DDAH1: variants seen among roughly 807,000 people sequenced by gnomAD.
The protein encoded by DDAH1 is dimethylarginine dimethylaminohydrolase 1.
In DDAH1, 19 loss-of-function variants were observed where a neutral mutation model predicts 28.8. The observed-to-expected ratio is 0.66, with a 90% CI of 0.46 to 0.97. DDAH1 has a LOEUF of 0.97. DDAH1 is among the 50% of genes least tolerant of loss of function. DDAH1 has a pLI of 0.00. For missense variants in DDAH1, 326 were observed against 375.9 expected (o/e 0.87, Z 1.10); for synonymous variants, 153 against 154.4 (o/e 0.99, Z 0.07).
intron 4 of DDAH1, among the ~76,000 whole-genome samples, chr1:85,330,257 CA>C (rs1477833190): frequency 2.0e-5 from 3 of 152,186 alleles, no homozygotes; most frequent in Admixed American, 6.5e-5. Context: ...GGTATCACCT[CA>C]AAGAGCTCAG....
In DDAH1 at chr1:85,324,814, T is replaced by C. The variant is rs1647270788; in HGVS notation, c.667A>G (p.Ile223Val). The stretch of plus-strand genomic sequence containing the variant: ...CCTTTGTTGGGGATATTTAGATATA[T>C]ACAGTTTGCTGCTATGTCATCAGGC... ...TVPDDIAANC[I>V]YLNIPNKGHV... Residue 223 changes from isoleucine to valine, a missense_variant, in exon 5 of 6, where the codon ATA becomes GTA. By Grantham distance (29) the Ile-to-Val change is conservative. Coordinates refer to ENST00000284031, the MANE Select transcript of DDAH1 (RefSeq NM_012137.4). The C allele has an allele frequency of 6.2e-7, 1 of 1,614,030 alleles. No individual in the cohort carries two copies. Among genetic ancestry groups the C allele is most frequent in the South Asian group, 1.1e-5 (1 of 91,072 alleles).
chr1:85,456,391 G>T (rs1382317252), intron 1 of DDAH1, among the ~76,000 whole-genome samples: 1 of 152,150 alleles, frequency 6.6e-6, no homozygotes, highest in Non-Finnish European at 1.5e-5. Flanking sequence ...AATTTATGAT[G>T]GTTCAACTTT....
At chr1:85,412,386 A>C (rs903092632) in intron 1 of DDAH1, among the ~76,000 whole-genome samples, 9 of 152,150 alleles carry the variant, frequency 5.9e-5, no homozygotes, top group African/African-American at 2.2e-4. Context: ...CTAGTCCCTC[A>C]TGGCAAACCA....
At chr1:85,541,394 G>C (rs1658466750) in intron 1 of DDAH1, among the ~76,000 whole-genome samples, 2 of 152,198 alleles carry the variant, frequency 1.3e-5, no homozygotes, top group South Asian at 4.1e-4. Flanking sequence ...CTACTGCCTG[G>C]AAGAGAAGGA....
intron 3 of DDAH1, among the ~76,000 whole-genome samples, chr1:85,351,301 T>A (rs1303764085): frequency 6.6e-6 from 1 of 152,168 alleles, no homozygotes; most frequent in East Asian, 1.9e-4. Context: ...AACTTAGTTG[T>A]TCTTGTGGTA....
intron 1 of DDAH1, among the ~76,000 whole-genome samples, chr1:85,498,607 G>A (rs1043136889): frequency 3.9e-5 from 6 of 152,056 alleles, no homozygotes; most frequent in Non-Finnish European, 8.8e-5. Context: ...GCCAATAGAG[G>A]AAATAAAATG....
chr1:85,471,981 G>T (rs183447916), intron 2 of DDAH1, among the ~76,000 whole-genome samples: 6 of 152,242 alleles, frequency 3.9e-5, no homozygotes, highest in Non-Finnish European at 1.5e-5. Context: ...CTGCCCTCCT[G>T]TCCCTCAGTC....
intron 1 of DDAH1, among the ~76,000 whole-genome samples, chr1:85,508,649 C>T (rs550576120): frequency 2.0e-5 from 3 of 152,232 alleles, no homozygotes; most frequent in Non-Finnish European, 4.4e-5. Flanking sequence ...TCTTAGCAAC[C>T]GGCAGACAAC....
chr1:85,475,658 T>C (rs1434541150), intron 2 of DDAH1, among the ~76,000 whole-genome samples: 1 of 152,174 alleles, frequency 6.6e-6, no homozygotes, highest in Non-Finnish European at 1.5e-5. Flanking sequence ...CACACTTTCT[T>C]TTTCTTGCCA....
chr1:85,544,671 C>T (rs1194245895), intron 1 of DDAH1, among the ~76,000 whole-genome samples: 2 of 152,136 alleles, frequency 1.3e-5, no homozygotes, highest in Non-Finnish European at 2.9e-5. Context: ...TACCCACCCA[C>T]TCATCAGAGA....
intron 1 of DDAH1, among the ~76,000 whole-genome samples, chr1:85,361,191 A>G (rs1649778026): frequency 1.3e-5 from 2 of 152,220 alleles, no homozygotes; most frequent in African/African-American, 2.4e-5. Context: ...GTTGAAGCAG[A>G]CAAACTCAGC....
Position 85,324,795 on chromosome 1 carries a change from T to C in DDAH1, c.686A>G (p.Asn229Ser). 6.2e-7 allele frequency: 1 copy of C among 1,614,174 alleles called. No homozygotes were observed. Among genetic ancestry groups the C allele is most frequent in the East Asian group, 2.2e-5 (1 of 44,888 alleles). ...TCGGTGCAGCAAGACGTGCCCTTTG[T>C]TGGGGATATTTAGATATATACAGTT... is the stretch of plus-strand genomic sequence containing the variant. ...AANCIYLNIP[N>S]KGHVLLHRTP... Residue 229 changes from asparagine (N) to serine (S), a missense_variant, in exon 5 of 6, where the codon AAC (asparagine) becomes AGC (serine). By Grantham distance (46) the Asn-to-Ser change is conservative. Transcript: ENST00000284031.
At chr1:85,347,989 A>G (rs1648973288) in intron 4 of DDAH1, among the ~76,000 whole-genome samples, 1 of 152,208 alleles carries the variant, frequency 6.6e-6, no homozygotes, top group African/African-American at 2.4e-5. Flanking sequence ...TGCTAGAAAC[A>G]TGGCAGGTGG....
At chr1:85,367,040 T>C (rs1570440184) in intron 1 of DDAH1, among the ~76,000 whole-genome samples, 3 of 152,278 alleles carry the variant, frequency 2.0e-5, no homozygotes, top group South Asian at 4.1e-4. Flanking sequence ...GTAGATTTCA[T>C]CAACTTTGGG....
chr1:85,321,685 C>T (rs1661351555), intron 5 of DDAH1, 117 bp from the exon 6 acceptor site: 2 of 802,850 alleles, frequency 2.5e-6, no homozygotes, highest in Non-Finnish European at 4.2e-6. Flanking sequence ...TCCCAAGACA[C>T]ACAGGCAGTC....
At chr1:85,571,354 T>C (rs1314030940) in intron 1 of DDAH1, among the ~76,000 whole-genome samples, 3 of 152,204 alleles carry the variant, frequency 2.0e-5, no homozygotes, top group Non-Finnish European at 4.4e-5. Context: ...TCAAAGGGAA[T>C]GTGTATGTTA....
At chr1:85,329,723 T>C (rs1042351149) in intron 4 of DDAH1, among the ~76,000 whole-genome samples, 1 of 152,240 alleles carries the variant, frequency 6.6e-6, no homozygotes, top group African/African-American at 2.4e-5. Context: ...TTTCAATTAA[T>C]TTATCAAGAC....
upstream of DDAH1, among the ~76,000 whole-genome samples, chr1:85,468,808 G>A (rs1655513860): frequency 6.6e-6 from 1 of 152,154 alleles, no homozygotes; most frequent in African/African-American, 2.4e-5. Flanking sequence ...GTGAGCAACC[G>A]CGCCTAGCCG....
chr1:85,347,997 T>G (rs1047761664), intron 4 of DDAH1, among the ~76,000 whole-genome samples: 1 of 152,190 alleles, frequency 6.6e-6, no homozygotes, highest in Non-Finnish European at 1.5e-5. Context: ...ACATGGCAGG[T>G]GGGCATTCAC....
Sources: allele counts gnomAD v4.1 joint callset (sites outside exome capture counted in the v4.1 genomes callset), GRCh38; gene constraint gnomAD v4.1.1; transcripts MANE v1.5; gene names NCBI Gene and HGNC (gene_info 2026-07-23, HGNC 2026-07-21).